The following SPINK2 variants were observed in gnomAD, a reference collection of about 807,000 sequenced individuals.
SPINK2 encodes serine peptidase inhibitor Kazal type 2.
SPINK2 carries 8 observed loss-of-function variants against 13.5 expected under a neutral mutation model. The ratio of observed to expected loss-of-function variants is 0.59; its 90% CI spans 0.35 to 1.07. The LOEUF is 1.07. Ranked by LOEUF, SPINK2 falls within the 50% of genes least tolerant of loss-of-function variation. The pLI, the probability that SPINK2 is intolerant of heterozygous loss-of-function variation, is 0.02. For missense variants in SPINK2, 148 were observed against 180.3 expected (o/e 0.82, Z 1.03); for synonymous variants, 76 against 74.7 (o/e 1.02, Z -0.09).
At chr4:56,812,322 A>G (rs1022738202) in intron 2 of SPINK2, among the ~76,000 whole-genome samples, 9 of 151,850 alleles carry the variant, frequency 5.9e-5, no homozygotes, top group Admixed American at 5.3e-4. Context: ...TGGGAGGCCA[A>G]GGTGGGCAGA....
chr4:56,817,798 G>C (rs965647016), intron 2 of SPINK2, among the ~76,000 whole-genome samples: 1 of 151,116 alleles, frequency 6.6e-6, no homozygotes, highest in African/African-American at 2.4e-5. Context: ...AGGTTGCAGT[G>C]AGCCAAAATC....
chr4:56,818,807 A>ACCCAAGC (rs1261093013), intron 2 of SPINK2, among the ~76,000 whole-genome samples: 2 of 152,194 alleles, frequency 1.3e-5, no homozygotes, highest in Non-Finnish European at 2.9e-5. Flanking sequence ...CCATTTTCTA[A>ACCCAAGC]AAGAAAATCA....
intron 2 of SPINK2, 39 bp downstream of exon 2, chr4:56,820,497 C>T: frequency 6.4e-7 from 1 of 1,563,212 alleles, no homozygotes; most frequent in Non-Finnish European, 8.8e-7. Context: ...TTGGGCTTCA[C>T]TGTATTAGTA....
Position 56,810,190 on chromosome 4 carries a change from A to G in SPINK2, c.360-6T>C. On this transcript the variant is annotated splice_region_variant and splice_polypyrimidine_tract_variant and intron_variant, in intron 3 of 3. Coordinates refer to ENST00000506738, the MANE Select transcript of SPINK2 (RefSeq NM_001271718.2). ...TAATATTATGACCACCTTCCCTGCAAATTGAACAATCATAGAAATACATTT... is the reference window on the plus strand; with the variant it reads ...TAATATTATGACCACCTTCCCTGCAGATTGAACAATCATAGAAATACATTT... 1 of 1,605,200 alleles carries G rather than the reference A, an allele frequency of 6.2e-7. No homozygotes were observed. Among genetic ancestry groups the G allele is most frequent in the Non-Finnish European group, 8.5e-7 (1 of 1,174,478 alleles).
At chr4:56,812,799 AT>A (rs1717106314) in intron 2 of SPINK2, among the ~76,000 whole-genome samples, 2 of 152,142 alleles carry the variant, frequency 1.3e-5, no homozygotes, top group Admixed American at 6.6e-5. Flanking sequence ...AGGCACTGAC[AT>A]TTAACCAAAA....
chr4:56,821,232 C>G (rs1373208612), intron 1 of SPINK2: 1 of 897,564 alleles, frequency 1.1e-6, no homozygotes, highest in Non-Finnish European at 1.3e-6. Flanking sequence ...ACTAAAGCCC[C>G]TTTCTCGTAA....
intron 2 of SPINK2, among the ~76,000 whole-genome samples, chr4:56,820,308 T>C (rs749176765): frequency 1.4e-4 from 22 of 152,228 alleles, no homozygotes; most frequent in Admixed American, 1.3e-3. Flanking sequence ...TAACTTTTTC[T>C]AAGGACCTTT....
At chr4:56,814,125 T>C (rs1280130184) in intron 2 of SPINK2, among the ~76,000 whole-genome samples, 1 of 151,594 alleles carries the variant, frequency 6.6e-6, no homozygotes, top group African/African-American at 2.4e-5. Flanking sequence ...GCTTTCACCA[T>C]GTTGGCCAGG....
At chr4:56,820,469 C>A in intron 2 of SPINK2, 67 bp downstream of exon 2, 1 of 1,324,132 alleles carries the variant, frequency 7.6e-7, no homozygotes, top group Non-Finnish European at 1.1e-6. Flanking sequence ...TGAAAGCCAG[C>A]CTCCCTCCCA....
rs1018556607 is a variant in SPINK2, at chr4:56,813,744, A to G, written c.250-1950T>C. ...GCAATTCTCCTGTCTCAGCCTCCCC[A>G]TTAGCTGGTATTACAGGCGCATGCC... On this transcript the variant is annotated intron_variant, in intron 2 of 3. Coordinates refer to ENST00000506738, the MANE Select transcript of SPINK2 (RefSeq NM_001271718.2). 6.1e-5 allele frequency among the ~76,000 whole-genome samples: 9 copies of G among 147,576 alleles called. No homozygotes were observed. The East Asian group carries it at 1.4e-3, about 23-fold the overall frequency.
chr4:56,820,639 A>T, intron 1 of SPINK2, 60 bp from the exon 2 acceptor site: 1 of 1,429,846 alleles, frequency 7.0e-7, no homozygotes, highest in Non-Finnish European at 9.7e-7. Context: ...ATTGTTCATG[A>T]AGTTTTTTTT....
intron 2 of SPINK2, among the ~76,000 whole-genome samples, chr4:56,816,544 C>T (rs886102536): frequency 1.5e-4 from 22 of 151,186 alleles, no homozygotes; most frequent in Admixed American, 2.0e-4. Context: ...CCCAACTACT[C>T]GGGAGGCTGA....
At chr4:56,817,385 T>A (rs1487444672) in intron 2 of SPINK2, among the ~76,000 whole-genome samples, 2 of 152,178 alleles carry the variant, frequency 1.3e-5, no homozygotes, top group South Asian at 4.1e-4. Flanking sequence ...ATATACAGGT[T>A]CAATGGAATC....
At chr4:56,814,433 A>C (rs919467186) in intron 2 of SPINK2, among the ~76,000 whole-genome samples, 4 of 152,140 alleles carry the variant, frequency 2.6e-5, no homozygotes, top group African/African-American at 4.8e-5. Flanking sequence ...TACGGGAGAC[A>C]CAAAGACAAA....
At chr4:56,812,551 G>A (rs889785913) in intron 2 of SPINK2, among the ~76,000 whole-genome samples, 3 of 84,368 alleles carry the variant, frequency 3.6e-5, no homozygotes, top group African/African-American at 9.6e-5. Flanking sequence ...CAACGAGAAC[G>A]AAACTCCATC....
At chr4:56,812,978 T>C (rs1258468835) in intron 2 of SPINK2, among the ~76,000 whole-genome samples, 5 of 152,312 alleles carry the variant, frequency 3.3e-5, no homozygotes, top group Middle Eastern at 3.4e-3. Context: ...TCCTCTCCAC[T>C]CTCTGGAAGA....
rs149871646 is a variant in SPINK2, at chr4:56,816,120, C to T, written c.250-4326G>A. Among the ~76,000 whole-genome samples, 255 of 152,152 alleles carry T rather than the reference C, an allele frequency of 1.7e-3. 1 individual carries two copies. The highest frequency in any genetic ancestry group is 5.9e-3 in the African/African-American group (245 of 41,498). The stretch of plus-strand genomic sequence containing the variant: ...TCAGTCTTGGAAAAAAGAAAAAGGA[C>T]TAATAAACAAGTTCAACAAGGTTGA... On this transcript the variant is annotated intron_variant, in intron 2 of 3. Transcript: ENST00000506738.
chr4:56,811,604 G>C, intron 3 of SPINK2, 81 bp downstream of exon 3: 3 of 881,812 alleles, frequency 3.4e-6, no homozygotes, highest in Admixed American at 2.3e-5. Context: ...GTGACAGAGT[G>C]AGACTCTGTC....
At chr4:56,821,810 G>GGCGGCGGGAAGAGGA (rs1170463826), upstream of SPINK2, 3 of 862,764 alleles carry the variant, frequency 3.5e-6, no homozygotes, top group Non-Finnish European at 3.3e-6. Flanking sequence ...AGGGAAGAGG[G>GGCGGCGGGAAGAGGA]GCGGCGGGAA....
Sources: gnomAD v4.1 joint callset for allele counts (sites outside exome capture counted in the v4.1 genomes callset) on GRCh38, gnomAD v4.1.1 for gene constraint, MANE v1.5 for transcripts, NCBI Gene and HGNC (gene_info 2026-07-23, HGNC 2026-07-21) for gene names.